Variants in PITPNC1 observed in about 807,000 individuals in gnomAD.
PITPNC1 encodes phosphatidylinositol transfer protein cytoplasmic 1.
PITPNC1 carries 18 observed loss-of-function variants against 44.7 expected under a neutral mutation model. The ratio of observed to expected loss-of-function variants is 0.40; its 90% CI spans 0.28 to 0.60. The LOEUF (loss-of-function observed/expected upper bound fraction) is 0.60. Among genes scored for constraint, PITPNC1 ranks in the 20% least tolerant of loss-of-function variants. The pLI, the probability that PITPNC1 is intolerant of heterozygous loss-of-function variation, is 0.39. For missense variants in PITPNC1, 290 were observed against 418.4 expected (o/e 0.69, Z 2.68); for synonymous variants, 141 against 149.6 (o/e 0.94, Z 0.42).
At chr17:67,689,699 C>T (rs996083253) in intron 8 of PITPNC1, among the ~76,000 whole-genome samples, 3 of 152,170 alleles carry the variant, frequency 2.0e-5, no homozygotes, top group Non-Finnish European at 4.4e-5. Context: ...CTTCTAAGAG[C>T]CTCTGGGAGT....
chr17:67,539,973 C>T (rs902569573), intron 2 of PITPNC1, among the ~76,000 whole-genome samples: 3 of 152,072 alleles, frequency 2.0e-5, no homozygotes, highest in Non-Finnish European at 2.9e-5. Context: ...GTAATAAAAG[C>T]ACCAAAACAT....
At chr17:67,688,352 T>G (rs868207969) in intron 8 of PITPNC1, among the ~76,000 whole-genome samples, 1 of 43,346 alleles carries the variant, frequency 2.3e-5, no homozygotes, top group Admixed American at 2.7e-4. Flanking sequence ...AAAAAAAAAA[T>G]CAATGCTGTA....
chr17:67,527,324 ACT>A (rs1041452979), intron 1 of PITPNC1, among the ~76,000 whole-genome samples: 82 of 152,026 alleles, frequency 5.4e-4, no homozygotes, highest in African/African-American at 1.9e-3. Flanking sequence ...ACATCTAGAA[ACT>A]CTGTAACATA....
intron 4 of PITPNC1, among the ~76,000 whole-genome samples, chr17:67,569,050 G>C (rs1422971134): frequency 5.9e-5 from 9 of 151,906 alleles, no homozygotes; most frequent in Non-Finnish European, 1.2e-4. Context: ...CCCATCCCCA[G>C]GGCCCCCATT....
chr17:67,392,219 G>T (rs1164576797), intron 1 of PITPNC1, among the ~76,000 whole-genome samples: 3 of 152,152 alleles, frequency 2.0e-5, no homozygotes, highest in Non-Finnish European at 4.4e-5. Context: ...TCCGGTGGAG[G>T]TAAGCAAATT....
chr17:67,512,505 A>AAAAC (rs1280272808), intron 1 of PITPNC1, among the ~76,000 whole-genome samples: 1 of 150,508 alleles, frequency 6.6e-6, no homozygotes, highest in African/African-American at 2.4e-5. Context: ...TGTCTCAAAA[A>AAAAC]AAAAAAAAAA....
At chr17:67,634,083 T>G (rs1383577711) in intron 6 of PITPNC1, among the ~76,000 whole-genome samples, 1 of 152,222 alleles carries the variant, frequency 6.6e-6, no homozygotes, top group Non-Finnish European at 1.5e-5. Flanking sequence ...GAAAGCTTCC[T>G]TTCATTCACA....
intron 1 of PITPNC1, among the ~76,000 whole-genome samples, chr17:67,485,899 C>T (rs762052705): frequency 2.6e-5 from 4 of 152,044 alleles, no homozygotes; most frequent in South Asian, 2.1e-4. Flanking sequence ...ATTAAGGGAC[C>T]GTGGGATTTA....
At chr17:67,513,954 T>C (rs1284476110) in intron 1 of PITPNC1, among the ~76,000 whole-genome samples, 1 of 151,890 alleles carries the variant, frequency 6.6e-6, no homozygotes, top group East Asian at 1.9e-4. Context: ...TGCACAATTC[T>C]GTGCTCTTCG....
rs185223011 is a variant in PITPNC1 at position 67,387,805 on chromosome 17, A to G, written c.48+9603A>G. 2.9e-4 allele frequency among the ~76,000 whole-genome samples: 44 copies of G among 152,298 alleles called. No homozygotes were observed. In the East Asian group the frequency reaches 8.1e-3, roughly 28 times the overall value. ...TATTTTGTTTAATTGTTTGTTGTCT[A>G]TCGCCATCATTATCTTTTCAACATG... On this transcript the variant is annotated intron_variant, in intron 1 of 8. Transcript: ENST00000581322.
chr17:67,654,626 G>A (rs767028076), intron 6 of PITPNC1, among the ~76,000 whole-genome samples: 4 of 152,168 alleles, frequency 2.6e-5, no homozygotes, highest in East Asian at 1.9e-4. Flanking sequence ...GCAACAACCC[G>A]CAAGGAAGTT....
intron 1 of PITPNC1, among the ~76,000 whole-genome samples, chr17:67,463,705 G>T (rs998784672): frequency 9.9e-5 from 15 of 151,896 alleles, no homozygotes; most frequent in African/African-American, 3.6e-4. Context: ...TTTGAGACTG[G>T]CGCTGTGGGC....
chr17:67,668,496 G>C (rs1296702539), intron 6 of PITPNC1, among the ~76,000 whole-genome samples: 3 of 152,138 alleles, frequency 2.0e-5, no homozygotes, highest in Non-Finnish European at 2.9e-5. Context: ...GCCAAGAAGG[G>C]AGGATCACTT....
At chr17:67,681,993 T>A (rs2042717604) in intron 8 of PITPNC1, among the ~76,000 whole-genome samples, 1 of 150,922 alleles carries the variant, frequency 6.6e-6, no homozygotes, top group South Asian at 2.1e-4. Context: ...AGGTCAGGAG[T>A]TCAAGACCAG....
At chr17:67,391,334 C>A (rs962405889) in intron 1 of PITPNC1, among the ~76,000 whole-genome samples, 1 of 151,938 alleles carries the variant, frequency 6.6e-6, no homozygotes, top group Non-Finnish European at 1.5e-5. Context: ...GACTGTTCCC[C>A]CGCCCCATGT....
rs1181745541 is a variant in PITPNC1, at chr17:67,696,082, G to T, written c.*3194G>T. On this transcript the variant is annotated 3_prime_UTR_variant, in exon 9 of 9. Transcript: ENST00000581322. ...TTATCAAGGCTTCTGTTACGGTTTT[G>T]CATCTGTGTGTGAGGAAAATTTTAA... The T allele has an allele frequency of 6.6e-6, 1 of 152,060 alleles. No individual in the cohort carries two copies. Among genetic ancestry groups the T allele is most frequent in the African/African-American group, 2.4e-5 (1 of 41,322 alleles). The allele number at this position is 152,060 out of a possible 1,614,324, so 9.4% of individuals were successfully genotyped here. A position where few individuals can be genotyped will look rare whatever the true frequency, so the allele number is the denominator to read the frequency against.
chr17:67,645,338 T>A (rs1479496765), intron 6 of PITPNC1, among the ~76,000 whole-genome samples: 2 of 128,542 alleles, frequency 1.6e-5, no homozygotes, highest in Non-Finnish European at 3.2e-5. Context: ...CGAAACTCCA[T>A]CTCAGAAAAA....
chr17:67,484,665 C>T (rs1403480646), intron 1 of PITPNC1, among the ~76,000 whole-genome samples: 1 of 152,132 alleles, frequency 6.6e-6, no homozygotes, highest in Non-Finnish European at 1.5e-5. Context: ...TAGCCGGGCA[C>T]AGTGGCTCAT....
chr17:67,656,254 A>G (rs2042266489), intron 6 of PITPNC1, among the ~76,000 whole-genome samples: 3 of 152,164 alleles, frequency 2.0e-5, no homozygotes, highest in Non-Finnish European at 1.5e-5. Context: ...TCTGAAATCC[A>G]AGTGAGAGAT....
Sources: gnomAD v4.1 joint callset for allele counts (sites outside exome capture counted in the v4.1 genomes callset) on GRCh38, gnomAD v4.1.1 for gene constraint, MANE v1.5 for transcripts, NCBI Gene and HGNC (gene_info 2026-07-23, HGNC 2026-07-21) for gene names.